The following SRSF4 variants were observed in gnomAD, a reference collection of about 807,000 sequenced individuals.
SRSF4 encodes serine/arginine-rich splicing factor 4.
SRSF4 carries 12 observed loss-of-function variants against 48.8 expected under a neutral mutation model. The ratio of observed to expected loss-of-function variants is 0.25; its 90% confidence interval spans 0.16 to 0.40. SRSF4 has a LOEUF of 0.40. Ranked by LOEUF, SRSF4 falls within the 10% of genes least tolerant of loss-of-function variation. The pLI is 1.00. For synonymous variants in SRSF4, 248 were observed against 232.5 expected (o/e 1.07, Z -0.61); for missense variants, 466 against 667.1 (o/e 0.70, Z 3.32).
At chr1:29,177,283 G>GTTTT (rs397934546) in intron 1 of SRSF4, among the ~76,000 whole-genome samples, 3 of 137,880 alleles carry the variant, frequency 2.2e-5, no homozygotes, top group African/African-American at 5.4e-5. Context: ...AACTCTTTTT[G>GTTTT]TTTTTTTTTT....
chr1:29,166,008 CTCATTTTCCTTG>C (rs1458572884), intron 1 of SRSF4: 1 of 152,240 alleles, frequency 6.6e-6, no homozygotes, highest in Non-Finnish European at 1.5e-5. Context: ...CCCACATTCA[CTCATTTTCCTTG>C]TAAGAACCGA....
Position 29,152,763 on chromosome 1 carries a change from A to T in SRSF4, c.578+1933T>A, listed in dbSNP as rs559854490. ...GTGAAACTCTGTCTCTACTAAAATT[A>T]CAAAAATTAGCCAGGCATGGTGGTG... On this transcript the variant is annotated intron_variant, in intron 4 of 5. Coordinates refer to ENST00000373795, the MANE Select transcript of SRSF4 (RefSeq NM_005626.5). Among the ~76,000 whole-genome samples the T allele has an allele frequency of 7.9e-5, 12 of 152,102 alleles. No homozygotes were observed. In the East Asian group the frequency reaches 2.3e-3, roughly 30 times the overall value.
Position 29,181,791 on chromosome 1 carries a change from C to T in SRSF4, c.-39G>A, listed in dbSNP as rs1379820668. On this transcript the variant is annotated 5_prime_UTR_variant, in exon 1 of 6. Coordinates refer to ENST00000373795, the MANE Select transcript of SRSF4 (RefSeq NM_005626.5). ...GTGATGGCTGGCCCCGGCCCCAGCC[C>T]CCCTTAGGCGGCGGCGGGCAAAGCG... 1 of 1,508,506 alleles carries T rather than the reference C, an allele frequency of 6.6e-7. No individual in the cohort carries two copies. Among genetic ancestry groups the T allele is most frequent in the African/African-American group, 1.4e-5 (1 of 69,786 alleles). 93.4% of individuals were successfully genotyped at this position (1,508,506 alleles called of 1,614,324 possible). A position where few individuals can be genotyped will look rare whatever the true frequency, so the allele number is the denominator to read the frequency against.
At chr1:29,170,427 TAAAC>T (rs1672730490) in intron 1 of SRSF4, 1 of 152,208 alleles carries the variant, frequency 6.6e-6, no homozygotes, top group African/African-American at 2.4e-5. Context: ...ACTTACCTCT[TAAAC>T]AACACAATGA....
rs1672476164 is a variant in SRSF4, at chr1:29,155,057, A to G, written c.364-147T>C. On this transcript the variant is annotated intron_variant, in intron 3 of 5. Transcript: ENST00000373795. The stretch of plus-strand genomic sequence containing the variant: ...AAATATTTTCATCTACCCATCAATC[A>G]TGTACTGAGGTTCTTTAAAGCACCA... 5.5e-6 allele frequency: 4 copies of G among 732,182 alleles called. No homozygotes were observed. In the South Asian group the frequency reaches 5.8e-5, roughly 11 times the overall value. 45.4% of individuals were successfully genotyped at this position (732,182 alleles called of 1,614,324 possible).
Position 29,148,570 on chromosome 1 carries a change from G to A in SRSF4, c.1325C>T (p.Ser442Phe). 6.2e-7 allele frequency: 1 copy of A among 1,614,092 alleles called. No individual in the cohort carries two copies. Among genetic ancestry groups the A allele is most frequent in the Non-Finnish European group, 8.5e-7 (1 of 1,180,010 alleles). ...ENAGTNQETR[S>F]RSRSNSKSKP... ...CGATTTGGAATTGGATCTCGACCTG[G>A]ACCGGGTCTCCTGATTGGTGCCAGC... is the stretch of plus-strand genomic sequence containing the variant. Residue 442 changes from serine (S) to phenylalanine (F), a missense_variant, in exon 6 of 6, where the codon TCC becomes TTC. By Grantham distance (155) the Ser-to-Phe change is radical. This residue lies in a region of SRSF4 where 402 missense variants were observed against 437.0 expected (regional missense o/e 0.92). Transcript: ENST00000373795.
intron 1 of SRSF4, among the ~76,000 whole-genome samples, chr1:29,179,741 C>G (rs537781158): frequency 6.6e-6 from 1 of 152,274 alleles, no homozygotes; most frequent in East Asian, 1.9e-4. Flanking sequence ...CAAATCATTC[C>G]AAGTTTTACT....
chr1:29,175,242 G>A (rs369771773), intron 1 of SRSF4, among the ~76,000 whole-genome samples: 2 of 151,260 alleles, frequency 1.3e-5, no homozygotes, highest in African/African-American at 2.4e-5. Flanking sequence ...GTGAAACCCC[G>A]TTTCTACAAA....
intron 3 of SRSF4, among the ~76,000 whole-genome samples, chr1:29,156,214 C>T (rs776623691): frequency 3.3e-5 from 5 of 151,988 alleles, no homozygotes; most frequent in Non-Finnish European, 5.9e-5. Flanking sequence ...ATCAACCAGA[C>T]GTGGTGGCAG....
chr1:29,180,588 A>T (rs493564), intron 1 of SRSF4, among the ~76,000 whole-genome samples: 15,602 of 152,106 alleles, frequency 0.1, 1,039 homozygotes, highest in African/African-American at 0.19. Flanking sequence ...CTATATTACA[A>T]CTGTTGCAAA....
chr1:29,164,137 C>T (rs755776450), intron 1 of SRSF4, among the ~76,000 whole-genome samples: 6 of 152,202 alleles, frequency 3.9e-5, no homozygotes, highest in Non-Finnish European at 8.8e-5. Context: ...AGGCACACGC[C>T]ACTGTGCTGG....
chr1:29,152,878 C>T (rs1672434804), intron 4 of SRSF4, among the ~76,000 whole-genome samples: 1 of 150,444 alleles, frequency 6.6e-6, no homozygotes, highest in Non-Finnish European at 1.5e-5. Context: ...GAGATTGTGC[C>T]ACTACACTCC....
chr1:29,177,286 T>TG (rs1672884289), intron 1 of SRSF4, among the ~76,000 whole-genome samples: 1 of 151,326 alleles, frequency 6.6e-6, no homozygotes, highest in Non-Finnish European at 1.5e-5. Context: ...TCTTTTTGTT[T>TG]TTTTTTTTTT....
intron 1 of SRSF4, chr1:29,173,133 T>TA (rs1326999742): frequency 1.5e-4 from 15 of 99,252 alleles, no homozygotes; most frequent in African/African-American, 5.5e-4. Flanking sequence ...AAAAAGGCTT[T>TA]TTTTTTTTTT....
At chr1:29,151,645 A>G (rs1013704518) in intron 4 of SRSF4, among the ~76,000 whole-genome samples, 1 of 152,218 alleles carries the variant, frequency 6.6e-6, no homozygotes, top group African/African-American at 2.4e-5. Flanking sequence ...CCCAGCTATA[A>G]AGACATCCAT....
At chr1:29,178,478 G>C (rs1444311418) in intron 1 of SRSF4, among the ~76,000 whole-genome samples, 1 of 151,506 alleles carries the variant, frequency 6.6e-6, no homozygotes, top group Non-Finnish European at 1.5e-5. Flanking sequence ...CGAGTAGCTG[G>C]GACTACAGGT....
chr1:29,175,787 TAA>T (rs891943050), intron 1 of SRSF4, among the ~76,000 whole-genome samples: 5 of 147,304 alleles, frequency 3.4e-5, no homozygotes, highest in Non-Finnish European at 7.5e-5. Context: ...TAACTATACA[TAA>T]AGAGAGTTAT....
At chr1:29,150,431 A>C (rs1336727696) in intron 4 of SRSF4, among the ~76,000 whole-genome samples, 1 of 151,996 alleles carries the variant, frequency 6.6e-6, no homozygotes, top group East Asian at 1.9e-4. Flanking sequence ...CGCCTGGCTA[A>C]TTTTGTATTT....
rs1220757514 is a variant in SRSF4, at chr1:29,154,963, T to G, written c.364-53A>C. On this transcript the variant is annotated intron_variant, in intron 3 of 5. Coordinates refer to ENST00000373795, the MANE Select transcript of SRSF4 (RefSeq NM_005626.5). ...TTAGGATATGTTTTGCTAAAATATCTAATGCAATCATCTGAGTGAATTTTT... is the reference window on the plus strand; with the variant it reads ...TTAGGATATGTTTTGCTAAAATATCGAATGCAATCATCTGAGTGAATTTTT... 6.7e-6 allele frequency: 10 copies of G among 1,493,794 alleles called. No individual in the cohort carries two copies. The East Asian group carries it at 2.3e-4, about 34-fold the overall frequency. The allele number at this position is 1,493,794 out of a possible 1,614,324, so 92.5% of individuals were successfully genotyped here. A position where few individuals can be genotyped will look rare whatever the true frequency, so the allele number is the denominator to read the frequency against.
Sources: gnomAD v4.1 joint callset for allele counts (sites outside exome capture counted in the v4.1 genomes callset) on GRCh38, gnomAD v4.1.1 for gene constraint, gnomAD v4.1.1 regional missense constraint, MANE v1.5 for transcripts, NCBI Gene and HGNC (gene_info 2026-07-23, HGNC 2026-07-21) for gene names.